FRY: variants seen among roughly 807,000 people sequenced by gnomAD.
The protein encoded by FRY is FRY microtubule binding protein.
In FRY, 128 loss-of-function variants were observed where a neutral mutation model predicts 348.4. The observed-to-expected ratio is 0.37, with a 90% confidence interval of 0.32 to 0.43. The LOEUF (loss-of-function observed/expected upper bound fraction) is 0.43, where lower values mean the gene tolerates loss of function less well. Among genes scored for constraint, FRY ranks in the 20% least tolerant of loss-of-function variants. FRY has a pLI of 1.00. For synonymous variants in FRY, 1,370 were observed against 1,374.7 expected, an observed-to-expected ratio of 1.00 and a Z score of 0.08; for missense variants, 2,736 against 3,695.2, an observed-to-expected ratio of 0.74 and a Z score of 6.73.
At chr13:32,082,303 G>A (rs1336980759) in intron 2 of FRY, among the ~76,000 whole-genome samples, 3 of 149,574 alleles carry the variant, frequency 2.0e-5, no homozygotes, top group African/African-American at 7.4e-5. Flanking sequence ...TCTTTCTCTT[G>A]TTCTGCAGAA....
chr13:32,257,624 T>A (rs2138529652), intron 51 of FRY, among the ~76,000 whole-genome samples: 1 of 140,216 alleles, frequency 7.1e-6, no homozygotes, highest in South Asian at 2.5e-4. Flanking sequence ...AACAGTTTTC[T>A]CACGAATACA....
At position 32,227,913 on chromosome 13, in the gene FRY, G is replaced by A. The variant is rs555868802; in HGVS notation, c.5207-543G>A. Among the ~76,000 whole-genome samples the A allele has an allele frequency of 1.4e-3, 218 of 152,098 alleles. 16 individuals carry two copies. The highest frequency in any genetic ancestry group is 9.4e-4 in the Non-Finnish European group (64 of 67,984). On this transcript the variant is annotated intron_variant, in intron 39 of 60. Transcript: ENST00000542859. ...ACTACAGGTGCCGACCACCACGCTC[G>A]GCTAATTTTTGTATTTTTGGTAGAG... is the stretch of plus-strand genomic sequence containing the variant.
At chr13:32,044,313 T>A (rs1872902314) in intron 1 of FRY, among the ~76,000 whole-genome samples, 1 of 152,212 alleles carries the variant, frequency 6.6e-6, no homozygotes, top group Admixed American at 6.5e-5. Flanking sequence ...AGCTATTAAT[T>A]TGAAAGGGCT....
At chr13:32,235,005 GCTT>G (rs1437753544) in intron 42 of FRY, among the ~76,000 whole-genome samples, 1 of 152,164 alleles carries the variant, frequency 6.6e-6, no homozygotes, top group Admixed American at 6.5e-5. Flanking sequence ...TCCTCTGGTG[GCTT>G]CTTCTTTGTT....
chr13:32,278,596 G>T, intron 58 of FRY, 48 bp downstream of exon 58: 2 of 1,021,656 alleles, frequency 2.0e-6, no homozygotes, highest in Non-Finnish European at 3.1e-6. Context: ...CTAACATTGT[G>T]TATTAGTTTT....
intron 33 of FRY, among the ~76,000 whole-genome samples, chr13:32,210,052 A>T (rs959716122): frequency 6.6e-6 from 1 of 152,106 alleles, no homozygotes; most frequent in Non-Finnish European, 1.5e-5. Context: ...TGTAAGAGAC[A>T]CTAAGTAAAG....
intron 4 of FRY, among the ~76,000 whole-genome samples, chr13:32,118,142 C>T (rs1376887051): frequency 6.6e-6 from 1 of 152,068 alleles, no homozygotes; most frequent in Non-Finnish European, 1.5e-5. Flanking sequence ...TGTGTGTCCT[C>T]CCCAAATTTT....
At chr13:32,242,011 T>C (rs995089253) in intron 46 of FRY, among the ~76,000 whole-genome samples, 1 of 152,238 alleles carries the variant, frequency 6.6e-6, no homozygotes, top group Non-Finnish European at 1.5e-5. Context: ...TGTATATTTC[T>C]ATGTGTTGGG....
At chr13:32,121,927 C>T (rs903024156) in intron 4 of FRY, among the ~76,000 whole-genome samples, 5 of 152,100 alleles carry the variant, frequency 3.3e-5, no homozygotes, top group African/African-American at 4.8e-5. Flanking sequence ...AGGTTTAAGT[C>T]CTTAATCCAT....
chr13:32,233,967 T>G (rs1886070125), intron 41 of FRY, among the ~76,000 whole-genome samples: 1 of 152,104 alleles, frequency 6.6e-6, no homozygotes, highest in Non-Finnish European at 1.5e-5. Flanking sequence ...TATACCTCCC[T>G]AAGATTTATT....
At chr13:32,039,320 G>A (rs1872663320) in intron 1 of FRY, among the ~76,000 whole-genome samples, 3 of 152,178 alleles carry the variant, frequency 2.0e-5, no homozygotes, top group Admixed American at 6.6e-5. Flanking sequence ...TTAGAAAAAT[G>A]TGAAGAGGAG....
chr13:32,058,360 C>A (rs1873754651), intron 1 of FRY, among the ~76,000 whole-genome samples: 1 of 152,092 alleles, frequency 6.6e-6, no homozygotes, highest in Non-Finnish European at 1.5e-5. Flanking sequence ...ATAATTTAAC[C>A]ACATCTAAAT....
At chr13:32,165,187 G>A (rs1281894818) in intron 17 of FRY, among the ~76,000 whole-genome samples, 15 of 152,102 alleles carry the variant, frequency 9.9e-5, no homozygotes, top group Admixed American at 5.2e-4. Context: ...TAATAAACAC[G>A]TTTTATGTGG....
chr13:32,245,184 G>A (rs1166911628), intron 47 of FRY, among the ~76,000 whole-genome samples: 10 of 151,760 alleles, frequency 6.6e-5, no homozygotes, highest in African/African-American at 1.9e-4. Context: ...TCCTGACCTC[G>A]TGATCCACCG....
In FRY at chr13:32,209,871, G is replaced by T. The variant is rs571212503; in HGVS notation, c.4422+140G>T. On this transcript the variant is annotated intron_variant, in intron 33 of 60. Coordinates refer to ENST00000542859, the MANE Select transcript of FRY (RefSeq NM_023037.3). ...CATGAATCTCCTGTGAGCTCATCCA[G>T]ATATTACATAAAAGTTCCCTTCTGC... is the stretch of plus-strand genomic sequence containing the variant. 8.2e-5 allele frequency: 71 copies of T among 864,866 alleles called. No homozygotes were observed. The South Asian group carries it at 1.0e-3, about 12-fold the overall frequency. 53.6% of individuals were successfully genotyped at this position (864,866 alleles called of 1,614,324 possible). A position where few individuals can be genotyped will look rare whatever the true frequency, so the allele number is the denominator to read the frequency against.
chr13:32,184,022 C>T (rs1334511273), intron 24 of FRY, among the ~76,000 whole-genome samples: 1 of 151,416 alleles, frequency 6.6e-6, no homozygotes, highest in Admixed American at 6.6e-5. Context: ...GTAGTCCCAG[C>T]TACTAGAGTA....
At chr13:32,222,506 C>T (rs1277576032) in intron 36 of FRY, among the ~76,000 whole-genome samples, 3 of 152,168 alleles carry the variant, frequency 2.0e-5, no homozygotes, top group Non-Finnish European at 1.5e-5. Flanking sequence ...GCTACCGCGA[C>T]CAGCCAAAAC....
intron 7 of FRY, among the ~76,000 whole-genome samples, chr13:32,130,690 C>G (rs1266040105): frequency 1.3e-5 from 2 of 152,082 alleles, no homozygotes; most frequent in African/African-American, 4.8e-5. Context: ...ACTTTGAGGA[C>G]AGGGACTGGA....
intron 1 of FRY, among the ~76,000 whole-genome samples, chr13:32,051,429 C>T (rs1455422521): frequency 6.6e-6 from 1 of 152,178 alleles, no homozygotes; most frequent in African/African-American, 2.4e-5. Context: ...CAACAAAAAA[C>T]CCTACAGACA....
Sources: allele counts gnomAD v4.1 joint callset (sites outside exome capture counted in the v4.1 genomes callset), GRCh38; gene constraint gnomAD v4.1.1; transcripts MANE v1.5; gene names NCBI Gene and HGNC (gene_info 2026-07-23, HGNC 2026-07-21).